The following SLC9A7 variants were observed in gnomAD, a reference collection of about 807,000 sequenced individuals.
The protein encoded by SLC9A7 is sodium/hydrogen exchanger 7.
SLC9A7 carries 19 observed loss-of-function variants against 52.6 expected under a neutral mutation model. The ratio of observed to expected loss-of-function variants is 0.36; its 90% CI spans 0.25 to 0.53. The LOEUF (loss-of-function observed/expected upper bound fraction) is 0.53, where lower values mean the gene tolerates loss of function less well. Ranked by LOEUF, SLC9A7 falls within the 20% of genes least tolerant of loss-of-function variation. SLC9A7 has a pLI of 0.91. For synonymous variants in SLC9A7, 226 were observed against 252.1 expected (o/e 0.90, Z 0.98); for missense variants, 455 against 597.9 (o/e 0.76, Z 2.49).
chrX:46,626,104 C>G (rs1304808516), intron 14 of SLC9A7, among the ~76,000 whole-genome samples: 1 of 111,506 alleles, frequency 9.0e-6, no homozygotes, highest in Non-Finnish European at 1.9e-5. Flanking sequence ...CCAAGGAGTT[C>G]AAGACCAGCC....
At chrX:46,609,309 G>A (rs1346376016) in intron 16 of SLC9A7, among the ~76,000 whole-genome samples, 1 of 112,046 alleles carries the variant, frequency 8.9e-6, no homozygotes, top group Non-Finnish European at 1.9e-5. Context: ...TTCACTGACA[G>A]GAGAAAACAA....
At chrX:46,651,070 G>A (rs149697352) in intron 10 of SLC9A7, 40 bp downstream of exon 10, 88 of 882,200 alleles carry the variant, frequency 1.0e-4, no homozygotes, top group Admixed American at 7.2e-4. Context: ...AACAGTGGTC[G>A]TCTCTGCATG....
chrX:46,648,823 G>C (rs763230349), intron 10 of SLC9A7, 26 bp from the exon 11 acceptor site: 1 of 1,086,784 alleles, frequency 9.2e-7, no homozygotes. Context: ...AAGGTTAAGG[G>C]ACCAACAGTT....
At chrX:46,734,449 CAG>C (rs1282719604) in intron 1 of SLC9A7, among the ~76,000 whole-genome samples, 1 of 112,246 alleles carries the variant, frequency 8.9e-6, no homozygotes. Flanking sequence ...CATCTAAAAA[CAG>C]AATACCAAAT....
At chrX:46,719,432 T>G (rs187713727) in intron 1 of SLC9A7, among the ~76,000 whole-genome samples, 45 of 110,879 alleles carry the variant, frequency 4.1e-4, no homozygotes, top group Non-Finnish European at 8.1e-4. Context: ...ACCCTAGAAC[T>G]TAAAGTATAA....
intron 3 of SLC9A7, among the ~76,000 whole-genome samples, chrX:46,677,456 C>T (rs1216360348): frequency 8.9e-6 from 1 of 112,227 alleles, no homozygotes; most frequent in Non-Finnish European, 1.9e-5. Flanking sequence ...ATCATTTAAT[C>T]ACAAGTTAAC....
At chrX:46,692,508 A>G (rs991725645) in intron 1 of SLC9A7, among the ~76,000 whole-genome samples, 2 of 111,117 alleles carry the variant, frequency 1.8e-5, no homozygotes, top group Admixed American at 9.6e-5. Flanking sequence ...CAAAATGCCA[A>G]TGTTGGAAGG....
chrX:46,662,631 G>T lies in SLC9A7; in HGVS notation c.806C>A (p.Ala269Glu). ...GTCTGCATGCAATTCATTAAATATC[G>T]CCAGCACAGTCACTGAAAAGTGAGC... ...ISATDPVTVL[A>E]IFNELHADVD... is the part of the protein sequence containing the mutation. Residue 269 changes from alanine to glutamate, a missense_variant, in exon 6 of 17, where the codon GCG (alanine) becomes GAG (glutamate). Ala to Glu is a moderately radical substitution (Grantham distance 107). Around this residue, in one of 3 missense-constraint regions of SLC9A7, gnomAD observed 304 missense variants for 417.8 expected, o/e 0.73. Transcript: ENST00000616978. 1 of 1,202,617 alleles carries T rather than the reference G, an allele frequency of 8.3e-7. No individual in the cohort carries two copies. The highest frequency in any genetic ancestry group is 1.1e-6 in the Non-Finnish European group (1 of 888,518).
chrX:46,610,071 A>G (rs1215248294), intron 16 of SLC9A7, among the ~76,000 whole-genome samples: 1 of 112,463 alleles, frequency 8.9e-6, no homozygotes, highest in East Asian at 2.8e-4. Context: ...TCAAAGTCTA[A>G]TAATGTTACA....
intron 1 of SLC9A7, among the ~76,000 whole-genome samples, chrX:46,702,171 T>C (rs929855664): frequency 2.7e-5 from 3 of 112,158 alleles, no homozygotes; most frequent in South Asian, 3.8e-4. Context: ...CACTGCTGTG[T>C]AGTATTTCAG....
At chrX:46,628,874 T>C (rs767658841) in intron 14 of SLC9A7, among the ~76,000 whole-genome samples, 2 of 112,393 alleles carry the variant, frequency 1.8e-5, no homozygotes, top group African/African-American at 6.5e-5. Context: ...CTGTTTCTCA[T>C]GGCCACAGAG....
intron 1 of SLC9A7, among the ~76,000 whole-genome samples, chrX:46,747,505 A>G (rs956533468): frequency 1.8e-5 from 2 of 111,818 alleles, no homozygotes; most frequent in Non-Finnish European, 3.8e-5. Context: ...TTAAAAAAAC[A>G]GGTAAACATA....
At chrX:46,755,679 C>T (rs1031352149) in intron 1 of SLC9A7, among the ~76,000 whole-genome samples, 36 of 109,464 alleles carry the variant, frequency 3.3e-4, no homozygotes, top group Non-Finnish European at 4.9e-4. Context: ...AAAATTTAGC[C>T]GGGCATGGTG....
At chrX:46,613,266 C>A in intron 16 of SLC9A7, 23 bp downstream of exon 16, 1 of 1,113,173 alleles carries the variant, frequency 9.0e-7, no homozygotes, top group Admixed American at 2.5e-5. Context: ...ACCAGGACTC[C>A]AACCCTGATG....
At chrX:46,736,949 G>A (rs764001127) in intron 1 of SLC9A7, among the ~76,000 whole-genome samples, 2 of 111,379 alleles carry the variant, frequency 1.8e-5, no homozygotes, top group Non-Finnish European at 3.8e-5. Flanking sequence ...TGTGAACCTG[G>A]GTCTTGGGGT....
intron 15 of SLC9A7, among the ~76,000 whole-genome samples, chrX:46,618,376 A>G (rs1005759528): frequency 6.3e-5 from 7 of 111,878 alleles, no homozygotes; most frequent in African/African-American, 2.0e-4. Context: ...CTGATCAGAT[A>G]TAAGCTTAAA....
chrX:46,687,743 T>G (rs956796245), intron 1 of SLC9A7, among the ~76,000 whole-genome samples: 1 of 112,444 alleles, frequency 8.9e-6, no homozygotes, highest in African/African-American at 3.2e-5. Context: ...TTCACCCATT[T>G]TAGAGTATAC....
chrX:46,616,914 G>A (rs1038827568), intron 15 of SLC9A7, among the ~76,000 whole-genome samples: 2 of 111,467 alleles, frequency 1.8e-5, no homozygotes, highest in African/African-American at 3.3e-5. Context: ...GCCCCCGAAC[G>A]TGTCCATTCA....
At chrX:46,724,716 T>C (rs749529267) in intron 1 of SLC9A7, among the ~76,000 whole-genome samples, 1 of 111,631 alleles carries the variant, frequency 9.0e-6, no homozygotes, top group South Asian at 3.7e-4. Context: ...GCCATCACTT[T>C]AACCAACCTA....
Sources: gnomAD v4.1 joint callset for allele counts (sites outside exome capture counted in the v4.1 genomes callset) on GRCh38, gnomAD v4.1.1 for gene constraint, gnomAD v4.1.1 regional missense constraint, MANE v1.5 for transcripts, NCBI Gene and HGNC (gene_info 2026-07-23, HGNC 2026-07-21) for gene names.